The following CCSER1 variants were observed in gnomAD, a reference collection of about 807,000 sequenced individuals.
The protein encoded by CCSER1 is coiled-coil serine rich protein 1, also known as serine-rich coiled-coil domain-containing protein 1.
CCSER1 carries 41 observed loss-of-function variants against 82.0 expected under a neutral mutation model. That is an observed-to-expected ratio of 0.50 (90% CI 0.39 to 0.65). The LOEUF is 0.65. Among genes scored for constraint, CCSER1 ranks in the 30% least tolerant of loss-of-function variants. CCSER1 has a pLI of 0.00. For missense variants in CCSER1, 1,119 were observed against 1,064.2 expected (o/e 1.05, Z -0.72); for synonymous variants, 414 against 383.9 (o/e 1.08, Z -0.92).
intron 1 of CCSER1, among the ~76,000 whole-genome samples, chr4:90,203,677 G>A (rs1007391653): frequency 6.6e-6 from 1 of 152,182 alleles, no homozygotes; most frequent in African/African-American, 2.4e-5. Context: ...TGTATGTATA[G>A]TAGAATGATT....
intron 10 of CCSER1, among the ~76,000 whole-genome samples, chr4:91,560,493 T>G (rs903810146): frequency 6.6e-6 from 1 of 151,484 alleles, no homozygotes; most frequent in African/African-American, 2.4e-5. Flanking sequence ...TCCCCATGGA[T>G]GGAACATTTG....
intron 8 of CCSER1, among the ~76,000 whole-genome samples, chr4:90,826,361 T>C (rs1371102030): frequency 1.3e-5 from 2 of 152,190 alleles, no homozygotes; most frequent in African/African-American, 4.8e-5. Context: ...CAATAAAGTA[T>C]GTTTAAAAAT....
chr4:90,202,165 A>G (rs1198423608), intron 1 of CCSER1, among the ~76,000 whole-genome samples: 1 of 151,520 alleles, frequency 6.6e-6, no homozygotes, highest in African/African-American at 2.4e-5. Context: ...CTGACATACT[A>G]CATTTTCTTG....
chr4:90,735,659 C>CT (rs1227520090), intron 7 of CCSER1, among the ~76,000 whole-genome samples: 1 of 151,890 alleles, frequency 6.6e-6, no homozygotes, highest in Non-Finnish European at 1.5e-5. Context: ...ATAATGTCTC[C>CT]TTTTTCATCT....
At chr4:91,559,499 C>G (rs1305043854) in intron 10 of CCSER1, among the ~76,000 whole-genome samples, 2 of 151,516 alleles carry the variant, frequency 1.3e-5, no homozygotes, top group Non-Finnish European at 3.0e-5. Flanking sequence ...GGCTTGACAC[C>G]TGCACTAACC....
At chr4:90,325,194 A>G (rs1034116662) in intron 3 of CCSER1, among the ~76,000 whole-genome samples, 1 of 152,210 alleles carries the variant, frequency 6.6e-6, no homozygotes, top group African/African-American at 2.4e-5. Flanking sequence ...TCGGGGTTCT[A>G]TTCAGCCACA....
chr4:90,982,867 A>C (rs1736240214), intron 9 of CCSER1, among the ~76,000 whole-genome samples: 3 of 151,746 alleles, frequency 2.0e-5, no homozygotes, highest in African/African-American at 7.2e-5. Flanking sequence ...GCCAAAACAA[A>C]ACAAAGAAAA....
chr4:91,179,545 A>G (rs1433218542), intron 10 of CCSER1, among the ~76,000 whole-genome samples: 1 of 152,036 alleles, frequency 6.6e-6, no homozygotes, highest in Non-Finnish European at 1.5e-5. Flanking sequence ...GCTTCATTTC[A>G]TTCATTTGGT....
At chr4:90,288,295 GC>G (rs1730275716) in intron 1 of CCSER1, among the ~76,000 whole-genome samples, 1 of 151,874 alleles carries the variant, frequency 6.6e-6, no homozygotes, top group Admixed American at 6.6e-5. Flanking sequence ...GATCAGGCCT[GC>G]CCCAGGGAGT....
intron 4 of CCSER1, among the ~76,000 whole-genome samples, chr4:90,401,038 A>T (rs1752791536): frequency 6.6e-6 from 1 of 152,158 alleles, no homozygotes; most frequent in African/African-American, 2.4e-5. Context: ...CTTTATGATG[A>T]ATTTTCATTT....
intron 3 of CCSER1, among the ~76,000 whole-genome samples, chr4:90,348,440 T>C (rs12642077): frequency 0.65 from 98,339 of 151,974 alleles, 33,060 homozygotes; most frequent in African/African-American, 0.82. Context: ...ATTATTCACA[T>C]GTATCTTGGA....
intron 10 of CCSER1, among the ~76,000 whole-genome samples, chr4:91,152,296 C>G (rs909955235): frequency 1.3e-5 from 2 of 152,144 alleles, no homozygotes; most frequent in Admixed American, 6.5e-5. Context: ...AGGATTGCAA[C>G]CCCTGCTCCC....
At chr4:91,221,858 G>T (rs1332989694) in intron 10 of CCSER1, among the ~76,000 whole-genome samples, 1 of 151,920 alleles carries the variant, frequency 6.6e-6, no homozygotes, top group South Asian at 2.1e-4. Context: ...GAAAAATGGG[G>T]TATACTATGG....
rs1760910662 is a variant in CCSER1 at position 91,529,252 on chromosome 4, T to C, written c.2218-69320T>C. ...ACTTATCTTTTTAGTCAGAGAATTATAGAGGGGCATTTATTTATGTGTGTA... is the reference window on the plus strand; with the variant it reads ...ACTTATCTTTTTAGTCAGAGAATTACAGAGGGGCATTTATTTATGTGTGTA... On this transcript the variant is annotated intron_variant, in intron 10 of 10. Coordinates refer to ENST00000509176, the MANE Select transcript of CCSER1 (RefSeq NM_001145065.2). Among the ~76,000 whole-genome samples the C allele has an allele frequency of 2.6e-5, 4 of 152,128 alleles. No homozygotes were observed. The South Asian group carries it at 8.3e-4, about 31-fold the overall frequency.
intron 10 of CCSER1, among the ~76,000 whole-genome samples, chr4:91,368,908 A>C (rs1749827532): frequency 6.6e-6 from 1 of 152,208 alleles, no homozygotes; most frequent in Non-Finnish European, 1.5e-5. Flanking sequence ...AATGAAAAGG[A>C]AGCATGAACA....
Position 91,188,549 on chromosome 4 carries a change from A to T in CCSER1, c.2217+102555A>T, listed in dbSNP as rs1199129917. Among the ~76,000 whole-genome samples, 4 of 152,192 alleles carry T rather than the reference A, an allele frequency of 2.6e-5. No individual in the cohort carries two copies. In the East Asian group the frequency reaches 7.7e-4, roughly 29 times the overall value. Reference sequence around the variant, plus strand: ...AATAGCTAGTGCTCAGTAAATTGTTATTATTGTGCTTTTCATAATTAGTGA... The same window carrying T: ...AATAGCTAGTGCTCAGTAAATTGTTTTTATTGTGCTTTTCATAATTAGTGA... On this transcript the variant is annotated intron_variant, in intron 10 of 10. Transcript: ENST00000509176.
chr4:90,593,654 C>T (rs2148706887), intron 5 of CCSER1, among the ~76,000 whole-genome samples: 1 of 147,262 alleles, frequency 6.8e-6, no homozygotes, highest in East Asian at 2.0e-4. Context: ...TCACGAAAAT[C>T]ATTAGCCCTT....
chr4:91,383,120 C>T (rs116215062), intron 10 of CCSER1, among the ~76,000 whole-genome samples: 5,029 of 151,648 alleles, frequency 0.033, 213 homozygotes, highest in African/African-American at 0.11. Flanking sequence ...CACTGGAAAA[C>T]GAAAAAAATT....
intron 10 of CCSER1, among the ~76,000 whole-genome samples, chr4:91,129,512 C>T (rs1292630582): frequency 3.3e-5 from 5 of 151,864 alleles, no homozygotes; most frequent in Non-Finnish European, 5.9e-5. Flanking sequence ...AAGATAGAGA[C>T]TGGGAGCAAA....
Sources: allele counts gnomAD v4.1 joint callset (sites outside exome capture counted in the v4.1 genomes callset), GRCh38; gene constraint gnomAD v4.1.1; transcripts MANE v1.5; gene names NCBI Gene and HGNC (gene_info 2026-07-23, HGNC 2026-07-21).